CCDC7: variants seen among roughly 807,000 people sequenced by gnomAD.
The protein encoded by CCDC7 is coiled-coil domain containing 7.
Under a neutral mutation model 196.9 loss-of-function variants are expected in CCDC7, and 183 were observed. The ratio of observed to expected loss-of-function variants is 0.93; its 90% confidence interval spans 0.82 to 1.05. The LOEUF is 1.05. Ranked by LOEUF, CCDC7 falls within the 50% of genes least tolerant of loss-of-function variation. The probability of loss-of-function intolerance (pLI) is 0.00; values close to 1 mark genes in which losing one functional copy is unlikely to be tolerated. For synonymous variants in CCDC7, 525 were observed against 484.6 expected (o/e 1.08, Z -1.10); for missense variants, 1,540 against 1,482.2 (o/e 1.04, Z -0.64).
exon 18 of CCDC7, chr10:32,584,259 A>G: frequency 6.3e-7 from 1 of 1,594,830 alleles, no homozygotes; most frequent in Non-Finnish European, 8.6e-7. Flanking sequence ...ACAATTACAA[A>G]AGATGACTGA....
In CCDC7 at chr10:32,718,321, G is replaced by A. The variant is rs1242651046; in HGVS notation, c.2569+6591G>A. ...CAATAGATGCAGAAAAGGCCTTTGA[G>A]AAAATTCATGGTAAAAACACTCAAT... On this transcript the variant is annotated intron_variant, in intron 25 of 41. Coordinates refer to ENST00000639629, the Ensembl canonical transcript of CCDC7. Among the ~76,000 whole-genome samples the A allele has an allele frequency of 4.7e-5, 7 of 150,530 alleles. No homozygotes were observed. In the East Asian group the frequency reaches 1.2e-3, roughly 25 times the overall value.
chr10:32,518,482 C>T, exon 11 of CCDC7: 1 of 1,606,402 alleles, frequency 6.2e-7, no homozygotes, highest in African/African-American at 1.3e-5. Context: ...GGAAAATGAA[C>T]TACAAAAGTT....
In CCDC7 at chr10:32,522,666, A is replaced by T. The variant is rs1238012038; in HGVS notation, c.993+4161A>T. ...TGTTTTCTTCATCAGAAATTCATTT[A>T]TGTCTGCTCTGATCTTTATTATTTC... is the stretch of plus-strand genomic sequence containing the variant. On this transcript the variant is annotated intron_variant, in intron 11 of 41. Transcript: ENST00000639629. Among the ~76,000 whole-genome samples the T allele has an allele frequency of 2.6e-5, 4 of 152,072 alleles. No individual in the cohort carries two copies. The East Asian group carries it at 7.7e-4, about 29-fold the overall frequency.
chr10:32,627,444 A>G (rs897562187), intron 18 of CCDC7, among the ~76,000 whole-genome samples: 2 of 151,888 alleles, frequency 1.3e-5, no homozygotes, highest in Non-Finnish European at 2.9e-5. Flanking sequence ...ATAATATTAT[A>G]TTGTTAGCAA....
chr10:32,694,271 C>A (rs1324847053), intron 23 of CCDC7, among the ~76,000 whole-genome samples: 1 of 152,118 alleles, frequency 6.6e-6, no homozygotes, highest in Admixed American at 6.5e-5. Context: ...CTGTGTATAG[C>A]TCACATTTAT....
intron 18 of CCDC7, among the ~76,000 whole-genome samples, chr10:32,627,243 T>G (rs1759664): frequency 2.6e-5 from 4 of 151,694 alleles, no homozygotes; most frequent in African/African-American, 9.7e-5. Flanking sequence ...AGGTCTTTTA[T>G]CTCTTTGGTC....
At chr10:32,777,536 T>C (rs946501781) in intron 28 of CCDC7, among the ~76,000 whole-genome samples, 2 of 152,148 alleles carry the variant, frequency 1.3e-5, no homozygotes, top group Admixed American at 1.3e-4. Flanking sequence ...AGACTTGCCA[T>C]CTGTTTTTAT....
chr10:32,624,641 T>A (rs1319043703), intron 18 of CCDC7, among the ~76,000 whole-genome samples: 1 of 152,114 alleles, frequency 6.6e-6, no homozygotes, highest in Non-Finnish European at 1.5e-5. Flanking sequence ...CCTAGACTCC[T>A]TCTATCTAGT....
At chr10:32,630,814 T>C (rs2064759895) in intron 18 of CCDC7, among the ~76,000 whole-genome samples, 1 of 152,180 alleles carries the variant, frequency 6.6e-6, no homozygotes, top group Admixed American at 6.6e-5. Context: ...TTATATGCTG[T>C]GTCAGTTAGA....
At chr10:32,527,296 G>A (rs1299185081) in intron 11 of CCDC7, among the ~76,000 whole-genome samples, 3 of 152,316 alleles carry the variant, frequency 2.0e-5, no homozygotes, top group Middle Eastern at 6.8e-3. Context: ...GATAGCGGAT[G>A]AATAGCATCA....
chr10:32,588,606 C>G (rs2059509123), intron 18 of CCDC7, among the ~76,000 whole-genome samples: 1 of 152,010 alleles, frequency 6.6e-6, no homozygotes, highest in Non-Finnish European at 1.5e-5. Context: ...AAGGATACTG[C>G]TCTGTATGTT....
At chr10:32,761,427 A>G (rs1287882949) in intron 28 of CCDC7, among the ~76,000 whole-genome samples, 1 of 151,972 alleles carries the variant, frequency 6.6e-6, no homozygotes, top group African/African-American at 2.4e-5. Context: ...CAGGTTTCTG[A>G]GTGACCATGT....
chr10:32,688,519 T>C (rs2141196535), intron 22 of CCDC7, among the ~76,000 whole-genome samples: 1 of 152,342 alleles, frequency 6.6e-6, no homozygotes, highest in East Asian at 1.9e-4. Context: ...ATACTAGATA[T>C]TCTCCCTTTT....
At chr10:32,466,867 C>A (rs547885107) in intron 5 of CCDC7, among the ~76,000 whole-genome samples, 1 of 152,232 alleles carries the variant, frequency 6.6e-6, no homozygotes, top group South Asian at 2.1e-4. Context: ...CCACAGCAGG[C>A]AACTAATTTA....
At chr10:32,711,138 A>G (rs1157310205) in intron 24 of CCDC7, among the ~76,000 whole-genome samples, 1 of 144,304 alleles carries the variant, frequency 6.9e-6, no homozygotes, top group South Asian at 2.3e-4. Context: ...ATATATATAT[A>G]AATATATATA....
At chr10:32,724,166 T>C (rs1022276909) in intron 25 of CCDC7, among the ~76,000 whole-genome samples, 3 of 152,108 alleles carry the variant, frequency 2.0e-5, no homozygotes, top group Non-Finnish European at 4.4e-5. Flanking sequence ...CACAAAATAT[T>C]TCCTGAGACA....
upstream of CCDC7, among the ~76,000 whole-genome samples, chr10:32,443,393 T>C (rs1345452357): frequency 6.6e-6 from 1 of 152,152 alleles, no homozygotes; most frequent in Admixed American, 6.5e-5. Flanking sequence ...TACTCCATCT[T>C]GGCTGGAAGC....
intron 28 of CCDC7, among the ~76,000 whole-genome samples, chr10:32,746,061 G>A (rs1379383906): frequency 2.0e-5 from 3 of 152,184 alleles, no homozygotes; most frequent in African/African-American, 7.2e-5. Context: ...GAAGACCCAA[G>A]ATGGCTGACC....
chr10:32,528,650 G>GTATATATATATATACACACACATATA (rs35667060), intron 11 of CCDC7, among the ~76,000 whole-genome samples: 7 of 133,296 alleles, frequency 5.3e-5, no homozygotes, highest in Non-Finnish European at 9.3e-5. Flanking sequence ...GTGTGTGTGT[G>GTATATATATATATACACACACATATA]TATATATATA....
Sources: allele counts gnomAD v4.1 joint callset (sites outside exome capture counted in the v4.1 genomes callset), GRCh38; gene constraint gnomAD v4.1.1; transcripts MANE v1.5; gene names NCBI Gene and HGNC (gene_info 2026-07-23, HGNC 2026-07-21).